Variants in MGAM observed in about 807,000 individuals in gnomAD.
The protein encoded by MGAM is maltase-glucoamylase, also known as alpha-1,4-glucosidase.
MGAM carries 253 observed loss-of-function variants against 358.8 expected under a neutral mutation model. The observed-to-expected ratio is 0.71, with a 90% CI of 0.64 to 0.78. MGAM has a LOEUF of 0.78. MGAM is among the 30% of genes least tolerant of loss of function. The pLI, the probability that MGAM is intolerant of heterozygous loss-of-function variation, is 0.00. For synonymous variants in MGAM, 1,105 were observed against 1,227.1 expected (o/e 0.90, Z 2.08); for missense variants, 3,080 against 3,432.6 (o/e 0.90, Z 2.57).
Position 142,070,115 on chromosome 7 carries a change from C to A in MGAM, c.5062-879C>A, listed in dbSNP as rs1315622821. On this transcript the variant is annotated intron_variant, in intron 43 of 70. Transcript: ENST00000475668. ...GGCTGAGGCATGACAATTGTTTGAA[C>A]CTGGGAGGCGGAGGTTGCAGTGAGC... Among the ~76,000 whole-genome samples, 5 of 144,052 alleles carry A rather than the reference C, an allele frequency of 3.5e-5. 1 individual carries two copies. Among genetic ancestry groups the A allele is most frequent in the Non-Finnish European group, 7.8e-5 (5 of 63,718 alleles). The allele number at this position is 144,052 out of a possible 152,430, so 94.5% of individuals were successfully genotyped here.
intron 34 of MGAM, among the ~76,000 whole-genome samples, 177 bp from the exon 35 acceptor site, chr7:142,062,391 C>G (rs898995442): frequency 6.6e-6 from 1 of 152,140 alleles, no homozygotes; most frequent in Non-Finnish European, 1.5e-5. Flanking sequence ...GCAAATTGCA[C>G]TAATTTCTCC....
At position 142,081,507 on chromosome 7, in the gene MGAM, G is replaced by A. The variant is rs764194822; in HGVS notation, c.6003-535G>A. 2.1e-5 allele frequency among the ~76,000 whole-genome samples: 3 copies of A among 145,758 alleles called. 1 individual carries two copies. The highest frequency in any genetic ancestry group is 4.7e-5 in the Non-Finnish European group (3 of 64,396). ...TGGGTAGGCCAGGAGATGAAGCGAA[G>A]CTGGCATGCTAAAGAAAAGAAGTCT... is the stretch of plus-strand genomic sequence containing the variant. On this transcript the variant is annotated intron_variant, in intron 50 of 70. Coordinates refer to ENST00000475668, the MANE Select transcript of MGAM (RefSeq NM_001365693.1).
At chr7:142,092,462 G>T in intron 58 of MGAM, 59 bp from the exon 59 acceptor site, 1 of 1,411,540 alleles carries the variant, frequency 7.1e-7, no homozygotes, top group Non-Finnish European at 9.8e-7. Flanking sequence ...CCTTGGCTCA[G>T]AATTGGCAGG....
rs1484733912 is a variant in MGAM, at chr7:142,044,689, T to C, written c.2499-3096T>C. On this transcript the variant is annotated intron_variant, in intron 21 of 70. Transcript: ENST00000475668. ...ATATACACGTGTAATATATGATGTATAATGAATATTATATACACGTGTAAT... is the reference window on the plus strand; with the variant it reads ...ATATACACGTGTAATATATGATGTACAATGAATATTATATACACGTGTAAT... 3.3e-5 allele frequency among the ~76,000 whole-genome samples: 3 copies of C among 90,352 alleles called. 1 individual carries two copies. Among genetic ancestry groups the C allele is most frequent in the Non-Finnish European group, 6.6e-5 (3 of 45,384 alleles). 59.3% of individuals were successfully genotyped at this position (90,352 alleles called of 152,430 possible).
intron 7 of MGAM, among the ~76,000 whole-genome samples, chr7:142,024,177 C>G (rs537142962): frequency 1.3e-5 from 2 of 151,920 alleles, no homozygotes; most frequent in South Asian, 2.1e-4. Context: ...TGCAGTGAAC[C>G]GAGATTGAGC....
At chr7:142,099,854 G>C in intron 67 of MGAM, 117 bp downstream of exon 67, 7 of 1,418,696 alleles carry the variant, frequency 4.9e-6, no homozygotes, top group Non-Finnish European at 6.6e-6. Flanking sequence ...CTCAACACTT[G>C]TTTTTTCTTT....
At position 142,096,406 on chromosome 7, in the gene MGAM, C is replaced by A. The variant is rs267601327; in HGVS notation, c.7683C>A (p.Val2561=). 1 of 1,613,712 alleles carries A rather than the reference C, an allele frequency of 6.2e-7. No homozygotes were observed. Among genetic ancestry groups the A allele is most frequent in the Non-Finnish European group, 8.5e-7 (1 of 1,179,698 alleles). Residue 2561 remains valine (V), a synonymous_variant, in exon 65 of 71, where the codon GTC becomes GTA. Coordinates refer to ENST00000475668, the MANE Select transcript of MGAM (RefSeq NM_001365693.1). ...LLGPAFLVSP[V]LERNARNVTA... is the part of the protein sequence containing the mutation. ...GCCCAGCCTTCCTGGTCAGCCCTGT[C>A]CTGGAGCGTGTGAGTATGGAGGCCT... is the stretch of plus-strand genomic sequence containing the variant.
At chr7:142,053,095 A>G (rs1479761725) in intron 26 of MGAM, 111 bp downstream of exon 26, 7 of 1,194,540 alleles carry the variant, frequency 5.9e-6, no homozygotes, top group South Asian at 4.3e-5. Context: ...ACAACAGACT[A>G]TATCATTATC....
At position 142,093,414 on chromosome 7, in the gene MGAM, T is replaced by C. The variant is rs1286525297; in HGVS notation, c.7036T>C (p.Leu2346=). The C allele has an allele frequency of 5.9e-6, 9 of 1,536,166 alleles. 1 individual carries two copies. Among genetic ancestry groups the C allele is most frequent in the African/African-American group, 1.3e-5 (1 of 74,266 alleles). The change falls in exon 60 of 71, where the codon TTG becomes CTG. Residue 2346 remains leucine (L), a splice_region_variant and synonymous_variant. Transcript: ENST00000475668. ...CCTCACCAGTTCTTCCTCCTCAGATTTGGAGTCCAGGGACAGGGGCCTGAG... is the reference window on the plus strand; with the variant it reads ...CCTCACCAGTTCTTCCTCCTCAGATCTGGAGTCCAGGGACAGGGGCCTGAG... ...SLNHPPYMPY[L]ESRDRGLSSK...
rs138034783 is a variant in MGAM at position 142,086,358 on chromosome 7, C to T, written c.6747+30C>T. The T allele has an allele frequency of 1.1e-3, 1,559 of 1,469,144 alleles. 79 individuals carry two copies. In the African/African-American group the frequency reaches 0.018, roughly 17 times the overall value. 91.0% of individuals were successfully genotyped at this position (1,469,144 alleles called of 1,614,324 possible). A position where few individuals can be genotyped will look rare whatever the true frequency, so the allele number is the denominator to read the frequency against. On this transcript the variant is annotated intron_variant, in intron 56 of 70. Transcript: ENST00000475668. ...AATCCTAAGCGATGATCCAGTAGTC[C>T]CTAGCCTGAGGGTGGGTCACTGTTA... is the stretch of plus-strand genomic sequence containing the variant.
intron 48 of MGAM, among the ~76,000 whole-genome samples, 163 bp downstream of exon 48, chr7:142,078,633 T>C (rs528567011): frequency 1.4e-5 from 2 of 146,488 alleles, no homozygotes; most frequent in African/African-American, 4.8e-5. Context: ...TGTGGAAAAC[T>C]TTTTAAAATA....
At chr7:142,052,472 G>A in intron 25 of MGAM, 26 bp downstream of exon 25, 1 of 1,611,442 alleles carries the variant, frequency 6.2e-7, no homozygotes, top group East Asian at 2.2e-5. Flanking sequence ...GGGTTTGTGT[G>A]CATGAGAATC....
rs371868628 is a variant in MGAM at position 142,072,976 on chromosome 7, A to C, written c.5187-1109A>C. ...TTTTGGTCTCTTGAGTATATTCCTT[A>C]CTGTCTTGCAAATCCAAGAACATTT... On this transcript the variant is annotated intron_variant, in intron 44 of 70. Transcript: ENST00000475668. Among the ~76,000 whole-genome samples, 107 of 146,274 alleles carry C rather than the reference A, an allele frequency of 7.3e-4. 3 individuals are homozygous for C. The highest frequency in any genetic ancestry group is 2.4e-3 in the African/African-American group (99 of 41,194).
chr7:142,056,002 C>T lies in MGAM; in HGVS notation c.3486C>T (p.Tyr1162=), dbSNP rs748527841. Reference sequence around the variant, plus strand: ...TGCTTCTTCCCATGACTCCCCAGTACAAGAAGAATTCCTATGGTGTCCACC... The same window carrying T: ...TGCTTCTTCCCATGACTCCCCAGTATAAGAAGAATTCCTATGGTGTCCACC... ...GMFSRDQPPG[Y]KKNSYGVHPY... Residue 1162 remains tyrosine, a splice_region_variant and synonymous_variant, in exon 29 of 71, where the codon TAC becomes TAT. Transcript: ENST00000475668. 3.1e-6 allele frequency: 5 copies of T among 1,609,942 alleles called. No individual in the cohort carries two copies. The highest frequency in any genetic ancestry group is 2.2e-5 in the East Asian group (1 of 44,810).
At chr7:142,065,258 G>C in intron 37 of MGAM, 77 bp from the exon 38 acceptor site, 7 of 1,551,064 alleles carry the variant, frequency 4.5e-6, no homozygotes, top group Non-Finnish European at 6.1e-6. Flanking sequence ...TAGGCTCAAG[G>C]GCTCTGGGAG....
intron 21 of MGAM, among the ~76,000 whole-genome samples, chr7:142,043,708 ATAT>A (rs1809439337): frequency 7.3e-6 from 1 of 137,818 alleles, no homozygotes; most frequent in African/African-American, 2.6e-5. Flanking sequence ...CATATATTAT[ATAT>A]CATGTAATAT....
chr7:142,103,825 C>G (rs1484957322), intron 70 of MGAM, among the ~76,000 whole-genome samples: 1 of 151,616 alleles, frequency 6.6e-6, no homozygotes, highest in Non-Finnish European at 1.5e-5. Flanking sequence ...AAAAGGATGA[C>G]AAAACTATGA....
chr7:142,092,580 C>G lies in MGAM; in HGVS notation c.7005C>G (p.Ala2335=). 1.3e-6 allele frequency: 2 copies of G among 1,545,974 alleles called. No homozygotes were observed. The highest frequency in any genetic ancestry group is 1.8e-6 in the Non-Finnish European group (2 of 1,127,176). ...CAGTTTCTCCAGGCTGCAGGGATGC[C>G]TCTCTGAACCACCCTCCCTACATGC... ...NGAVSPGCRD[A]SLNHPPYMPY... Residue 2335 remains alanine (A), a synonymous_variant, in exon 59 of 71, where the codon GCC becomes GCG. Coordinates refer to ENST00000475668, the MANE Select transcript of MGAM (RefSeq NM_001365693.1).
rs192670350 is a variant in MGAM at position 142,097,825 on chromosome 7, A to G, written c.7749+176A>G. Among the ~76,000 whole-genome samples the G allele has an allele frequency of 8.5e-4, 130 of 152,198 alleles. 1 individual carries two copies. The highest frequency in any genetic ancestry group is 3.0e-3 in the African/African-American group (125 of 41,482). On this transcript the variant is annotated intron_variant, in intron 66 of 70. Transcript: ENST00000475668. ...TCTCACCTCCAAGTGGAGTAAGACC[A>G]CTTCCCTCATAGAACTGTTGTGAAA...
Sources: allele counts gnomAD v4.1 joint callset (sites outside exome capture counted in the v4.1 genomes callset), GRCh38; gene constraint gnomAD v4.1.1; transcripts MANE v1.5; gene names NCBI Gene and HGNC (gene_info 2026-07-23, HGNC 2026-07-21).